The following NIM1K variants were observed in gnomAD, a reference collection of about 807,000 sequenced individuals.
The protein encoded by NIM1K is NIM1 serine/threonine protein kinase, also known as serine/threonine-protein kinase NIM1.
A neutral mutation model predicts 37.1 loss-of-function variants in NIM1K; 35 were observed. The observed-to-expected ratio is 0.94, with a 90% CI of 0.72 to 1.25. NIM1K has a LOEUF of 1.25. Ranked by LOEUF, NIM1K falls within the 50% of genes most tolerant of loss-of-function variation. The pLI, the probability that NIM1K is intolerant of heterozygous loss-of-function variation, is 0.00. For synonymous variants in NIM1K, 234 were observed against 206.6 expected (o/e 1.13, Z -1.14); for missense variants, 564 against 548.0 (o/e 1.03, Z -0.29).
chr5:43,239,261 A>T (rs1752663095), intron 1 of NIM1K, among the ~76,000 whole-genome samples: 1 of 151,716 alleles, frequency 6.6e-6, no homozygotes, highest in Non-Finnish European at 1.5e-5. Flanking sequence ...TTTAAGTTGG[A>T]GTTTCACTCT....
intron 2 of NIM1K, among the ~76,000 whole-genome samples, chr5:43,273,634 T>A (rs73096625): frequency 0.032 from 4,862 of 152,276 alleles, 290 homozygotes; most frequent in African/African-American, 0.11. Context: ...TCTGACCTTT[T>A]CCTACTACCA....
At position 43,280,527 on chromosome 5, in the gene NIM1K, A is replaced by G. The variant is rs1753426008; in HGVS notation, c.1109A>G (p.His370Arg). The stretch of plus-strand genomic sequence containing the variant: ...GAACATTTGGGCATTACAGAAGAGC[A>G]TATTCGAAATAACCAAGGGAGAGAT... Reference protein sequence around the residue: ...TLEHLGITEEHIRNNQGRDAR... With the variant: ...TLEHLGITEERIRNNQGRDAR... The change falls in exon 4 of 4, where the codon CAT becomes CGT. Residue 370 changes from histidine to arginine, a missense_variant. By Grantham distance (29) the His-to-Arg change is conservative. Transcript: ENST00000326035. 1.9e-6 allele frequency: 3 copies of G among 1,614,202 alleles called. No homozygotes were observed. Among genetic ancestry groups the G allele is most frequent in the South Asian group, 1.1e-5 (1 of 91,082 alleles).
chr5:43,265,879 G>T (rs1424059370), intron 2 of NIM1K, among the ~76,000 whole-genome samples: 1 of 152,220 alleles, frequency 6.6e-6, no homozygotes, highest in Non-Finnish European at 1.5e-5. Context: ...GTTGGAGTTT[G>T]CTGGAGGTCC....
rs146504812 is a variant in NIM1K, at chr5:43,195,795, G to T, written c.-695+3384G>T. ...AGAGAAATTCAGGGCATGGATAGCG[G>T]GAAGAATTTAAGATTAGAGAGCAAA... On this transcript the variant is annotated intron_variant, in intron 1 of 3. Coordinates refer to ENST00000326035, the MANE Select transcript of NIM1K (RefSeq NM_153361.4). Among the ~76,000 whole-genome samples, 970 of 152,228 alleles carry T rather than the reference G, an allele frequency of 6.4e-3. 8 individuals carry two copies. The highest frequency in any genetic ancestry group is 0.022 in the African/African-American group (934 of 41,536).
At chr5:43,210,310 T>G (rs1158005335) in intron 1 of NIM1K, among the ~76,000 whole-genome samples, 2 of 152,218 alleles carry the variant, frequency 1.3e-5, no homozygotes, top group Admixed American at 1.3e-4. Context: ...AAACAAGAAT[T>G]TAAAACAAAT....
chr5:43,279,865 C>T, intron 3 of NIM1K, 115 bp from the exon 4 acceptor site: 1 of 850,282 alleles, frequency 1.2e-6, no homozygotes, highest in Admixed American at 2.6e-5. Flanking sequence ...TTAAGGTGAT[C>T]CTCACTGAAT....
chr5:43,205,735 C>T lies in NIM1K; in HGVS notation c.-695+13324C>T, dbSNP rs146492081. Among the ~76,000 whole-genome samples, 687 of 152,198 alleles carry T rather than the reference C, an allele frequency of 4.5e-3. 3 individuals are homozygous for T. The highest frequency in any genetic ancestry group is 6.4e-3 in the Non-Finnish European group (434 of 68,002). On this transcript the variant is annotated intron_variant, in intron 1 of 3. Transcript: ENST00000326035. ...TGTTTTGTTTTGTTTTGTTTTGAGACGGAGTCTTGCTCTGTTGCCCAGGCT... is the reference window on the plus strand; with the variant it reads ...TGTTTTGTTTTGTTTTGTTTTGAGATGGAGTCTTGCTCTGTTGCCCAGGCT...
chr5:43,237,774 T>C (rs974893693), intron 1 of NIM1K, among the ~76,000 whole-genome samples: 12 of 152,194 alleles, frequency 7.9e-5, no homozygotes, highest in Non-Finnish European at 1.6e-4. Context: ...ACCTTTTCTT[T>C]TAGATTTTTT....
At chr5:43,205,648 C>T (rs1301601169) in intron 1 of NIM1K, among the ~76,000 whole-genome samples, 1 of 152,164 alleles carries the variant, frequency 6.6e-6, no homozygotes, top group East Asian at 1.9e-4. Flanking sequence ...AGTGTTACTG[C>T]TTTGTGGTTT....
At chr5:43,253,908 G>C (rs1192741071) in intron 2 of NIM1K, among the ~76,000 whole-genome samples, 1 of 151,982 alleles carries the variant, frequency 6.6e-6, no homozygotes, top group South Asian at 2.1e-4. Context: ...TGATCCGCCC[G>C]CCTCAGCCTC....
At chr5:43,250,125 T>A (rs557196028) in intron 2 of NIM1K, among the ~76,000 whole-genome samples, 35 of 152,280 alleles carry the variant, frequency 2.3e-4, no homozygotes, top group African/African-American at 8.2e-4. Flanking sequence ...GTGCTGGGAT[T>A]ACAGGCATGA....
At chr5:43,227,192 C>T (rs1024759822) in intron 1 of NIM1K, among the ~76,000 whole-genome samples, 3 of 152,056 alleles carry the variant, frequency 2.0e-5, no homozygotes, top group Non-Finnish European at 4.4e-5. Flanking sequence ...GAAACCCTGT[C>T]TCTACTAAAA....
intron 2 of NIM1K, among the ~76,000 whole-genome samples, chr5:43,271,583 C>A (rs1167981173): frequency 6.6e-6 from 1 of 152,106 alleles, no homozygotes; most frequent in Non-Finnish European, 1.5e-5. Context: ...TACCATTTAC[C>A]CAGTTTCACA....
intron 2 of NIM1K, among the ~76,000 whole-genome samples, chr5:43,257,241 T>A (rs1389797868): frequency 6.6e-6 from 1 of 152,044 alleles, no homozygotes; most frequent in Non-Finnish European, 1.5e-5. Flanking sequence ...GCCTGAGAAC[T>A]GCCCACTGAT....
intron 3 of NIM1K, 128 bp from the exon 4 acceptor site, chr5:43,279,852 G>A: frequency 1.3e-6 from 1 of 773,134 alleles, no homozygotes; most frequent in Non-Finnish European, 2.1e-6. Context: ...TTGCTATCAT[G>A]ACTTAAGGTG....
intron 3 of NIM1K, among the ~76,000 whole-genome samples, chr5:43,277,815 T>TGAGAGAGAGA (rs34538655): frequency 6.2e-5 from 8 of 128,946 alleles, no homozygotes; most frequent in African/African-American, 2.0e-4. Flanking sequence ...TGTGTGTGTG[T>TGAGAGAGAGA]GAGAGAGAGA....
At chr5:43,238,327 G>A (rs576690265) in intron 1 of NIM1K, among the ~76,000 whole-genome samples, 106 of 152,130 alleles carry the variant, frequency 7.0e-4, no homozygotes, top group Non-Finnish European at 1.1e-3. Flanking sequence ...ACAGGCGTGA[G>A]CCACTGCGCC....
At chr5:43,246,548 A>AT (rs1178579038) in intron 2 of NIM1K, among the ~76,000 whole-genome samples, 1 of 151,402 alleles carries the variant, frequency 6.6e-6, no homozygotes, top group Non-Finnish European at 1.5e-5. Context: ...GGCACAGGAG[A>AT]TCCCCCCGAT....
intron 1 of NIM1K, among the ~76,000 whole-genome samples, chr5:43,197,332 G>C (rs1224344453): frequency 6.8e-6 from 1 of 147,948 alleles, no homozygotes; most frequent in South Asian, 2.2e-4. Flanking sequence ...TGGTAGGGGG[G>C]GCGGGCCTCT....
Sources: allele counts gnomAD v4.1 joint callset (sites outside exome capture counted in the v4.1 genomes callset), GRCh38; gene constraint gnomAD v4.1.1; transcripts MANE v1.5; gene names NCBI Gene and HGNC (gene_info 2026-07-23, HGNC 2026-07-21).